IGSF11: variants seen among roughly 807,000 people sequenced by gnomAD.
The protein encoded by IGSF11 is CXADR like 1.
IGSF11 carries 22 observed loss-of-function variants against 41.0 expected under a neutral mutation model. The ratio of observed to expected loss-of-function variants is 0.54; its 90% CI spans 0.38 to 0.77. The LOEUF (loss-of-function observed/expected upper bound fraction) is 0.77. Ranked by LOEUF, IGSF11 falls within the 30% of genes least tolerant of loss-of-function variation. The pLI, the probability that IGSF11 is intolerant of heterozygous loss-of-function variation, is 0.00. For synonymous variants in IGSF11, 219 were observed against 201.3 expected (o/e 1.09, Z -0.74); for missense variants, 444 against 530.8 (o/e 0.84, Z 1.61).
chr3:119,021,459 G>C (rs1396402479), intron 1 of IGSF11, among the ~76,000 whole-genome samples: 1 of 152,026 alleles, frequency 6.6e-6, no homozygotes, highest in Non-Finnish European at 1.5e-5. Flanking sequence ...TGTGTCTTTT[G>C]GGAGATGAGT....
chr3:119,036,709 A>G (rs1272178651), upstream of IGSF11, among the ~76,000 whole-genome samples: 2 of 152,042 alleles, frequency 1.3e-5, no homozygotes, highest in Non-Finnish European at 2.9e-5. Context: ...AAAAAAAAAA[A>G]ATGACCCCTG....
chr3:119,022,582 G>C (rs796199075), intron 1 of IGSF11, among the ~76,000 whole-genome samples: 1 of 152,058 alleles, frequency 6.6e-6, no homozygotes, highest in Non-Finnish European at 1.5e-5. Context: ...ATTTGTAAAA[G>C]ACAATACCTA....
Position 118,904,740 on chromosome 3 carries a change from G to A in IGSF11, c.762C>T (p.Ile254=). The change falls in exon 6 of 7, where the codon ATC becomes ATT. Residue 254 remains isoleucine, a synonymous_variant. Coordinates refer to ENST00000393775, the MANE Select transcript of IGSF11 (RefSeq NM_001015887.3). The part of the protein sequence containing the change: ...AGAIGTGAVI[I]IFCIALILGA... Reference sequence around the variant, plus strand: ...CTAAAATTAGTGCAATGCAAAAAATGATAATAACTGCACCAGTGCCAATGG... The same window carrying A: ...CTAAAATTAGTGCAATGCAAAAAATAATAATAACTGCACCAGTGCCAATGG... 4 of 1,613,608 alleles carry A rather than the reference G, an allele frequency of 2.5e-6. No homozygotes were observed. The highest frequency in any genetic ancestry group is 3.4e-6 in the Non-Finnish European group (4 of 1,179,676).
At chr3:118,978,757 C>T (rs567465248) in intron 1 of IGSF11, among the ~76,000 whole-genome samples, 1 of 152,156 alleles carries the variant, frequency 6.6e-6, no homozygotes, top group Admixed American at 6.5e-5. Context: ...CCAACCGACA[C>T]CATATATTCA....
intron 1 of IGSF11, among the ~76,000 whole-genome samples, chr3:119,111,283 T>C (rs867176931): frequency 8.5e-5 from 13 of 152,152 alleles, no homozygotes; most frequent in African/African-American, 2.9e-4. Flanking sequence ...GGAGGCTTTG[T>C]TCGTTTCTTT....
chr3:118,911,839 G>A (rs1409149652), intron 4 of IGSF11, among the ~76,000 whole-genome samples: 2 of 152,028 alleles, frequency 1.3e-5, no homozygotes, highest in African/African-American at 2.4e-5. Context: ...TCTCTTCTAG[G>A]AGCCTCAGTC....
At chr3:118,995,627 C>T (rs1445202257) in intron 1 of IGSF11, among the ~76,000 whole-genome samples, 3 of 151,640 alleles carry the variant, frequency 2.0e-5, no homozygotes, top group African/African-American at 4.8e-5. Context: ...GGATGACTTC[C>T]GGGCTTATGG....
Position 118,976,046 on chromosome 3 carries a change from C to A in IGSF11, c.53-45771G>T, listed in dbSNP as rs543989611. ...AAATTAATAAAAATTTTAAAAAAAA[C>A]AGAACATGAAACCGATACATGAAAT... On this transcript the variant is annotated intron_variant, in intron 1 of 6. Coordinates refer to ENST00000393775, the MANE Select transcript of IGSF11 (RefSeq NM_001015887.3). 3.0e-3 allele frequency among the ~76,000 whole-genome samples: 457 copies of A among 152,076 alleles called. 11 individuals are homozygous for A. The highest frequency in any genetic ancestry group is 1.1e-3 in the Non-Finnish European group (73 of 67,964).
At chr3:119,114,748 A>C (rs1011564766) in intron 1 of IGSF11, among the ~76,000 whole-genome samples, 3 of 152,216 alleles carry the variant, frequency 2.0e-5, no homozygotes, top group African/African-American at 4.8e-5. Flanking sequence ...CCACATTTTC[A>C]GGTATCTTTA....
At chr3:118,947,531 T>C (rs1944249036) in intron 1 of IGSF11, 1 of 152,174 alleles carries the variant, frequency 6.6e-6, no homozygotes, top group Admixed American at 6.5e-5. Context: ...CAACAGTAAA[T>C]AAATCCAATA....
rs371937775 is a variant in IGSF11 at position 118,914,398 on chromosome 3, C to T, written c.581-8680G>A. ...CAGTGGGCGCAGGCCAGTGGGTGCG[C>T]GCACCGTGTGCGAGCCGAAGCAGGG... On this transcript the variant is annotated intron_variant, in intron 4 of 6. Transcript: ENST00000393775. Among the ~76,000 whole-genome samples, 289 of 151,552 alleles carry T rather than the reference C, an allele frequency of 1.9e-3. 1 individual carries two copies. The highest frequency in any genetic ancestry group is 0.013 in the South Asian group (60 of 4,712).
chr3:119,083,504 T>TCA (rs58353612), intron 1 of IGSF11, among the ~76,000 whole-genome samples: 89 of 148,704 alleles, frequency 6.0e-4, no homozygotes, highest in African/African-American at 9.4e-4. Flanking sequence ...ACCACAAAGA[T>TCA]CACACACACA....
intron 1 of IGSF11, among the ~76,000 whole-genome samples, chr3:118,993,727 A>G (rs1936007918): frequency 6.6e-6 from 1 of 152,226 alleles, no homozygotes; most frequent in African/African-American, 2.4e-5. Flanking sequence ...CCTTGAAAAC[A>G]TTATATAAAG....
At chr3:119,137,262 CA>C (rs1165474399) in intron 1 of IGSF11, among the ~76,000 whole-genome samples, 1 of 151,540 alleles carries the variant, frequency 6.6e-6, no homozygotes, top group African/African-American at 2.4e-5. Context: ...CCAGAATAGC[CA>C]AAGCTATCCT....
At chr3:118,997,264 C>T (rs192337998) in intron 1 of IGSF11, among the ~76,000 whole-genome samples, 28 of 152,272 alleles carry the variant, frequency 1.8e-4, no homozygotes, top group Admixed American at 5.2e-4. Context: ...GAGTTATCTA[C>T]GGTAAACAGG....
At chr3:118,928,236 G>A (rs1942516010) in intron 3 of IGSF11, among the ~76,000 whole-genome samples, 1 of 152,162 alleles carries the variant, frequency 6.6e-6, no homozygotes, top group South Asian at 2.1e-4. Flanking sequence ...TAAGAAAAGT[G>A]AGAGACCACT....
chr3:118,924,862 G>T (rs933145830), intron 4 of IGSF11, among the ~76,000 whole-genome samples: 5 of 151,968 alleles, frequency 3.3e-5, no homozygotes, highest in Admixed American at 2.0e-4. Flanking sequence ...AGCAACAAGG[G>T]CCCAGAGAAG....
chr3:119,059,470 G>A (rs1425544398), intron 1 of IGSF11, among the ~76,000 whole-genome samples: 1 of 152,134 alleles, frequency 6.6e-6, no homozygotes, highest in Non-Finnish European at 1.5e-5. Context: ...ACACTGCTCG[G>A]ATGATGGATG....
chr3:118,928,164 A>G (rs1338701301), intron 3 of IGSF11, among the ~76,000 whole-genome samples: 7 of 152,232 alleles, frequency 4.6e-5, no homozygotes, highest in Non-Finnish European at 8.8e-5. Flanking sequence ...TCTGCTCTGT[A>G]CTAAAATAAG....
Sources: gnomAD v4.1 joint callset for allele counts (sites outside exome capture counted in the v4.1 genomes callset) on GRCh38, gnomAD v4.1.1 for gene constraint, MANE v1.5 for transcripts, NCBI Gene and HGNC (gene_info 2026-07-23, HGNC 2026-07-21) for gene names.